CIB4: variants seen among roughly 807,000 people sequenced by gnomAD.
CIB4 encodes calcium and integrin-binding family member 4.
CIB4 carries 25 observed loss-of-function variants against 25.8 expected under a neutral mutation model. That is an observed-to-expected ratio of 0.97 (90% CI 0.71 to 1.35). The LOEUF (loss-of-function observed/expected upper bound fraction) is 1.35, where lower values mean the gene tolerates loss of function less well. Among genes scored for constraint, CIB4 ranks in the 40% most tolerant of loss-of-function variants. The pLI is 0.00. For synonymous variants in CIB4, 75 were observed against 81.4 expected, an observed-to-expected ratio of 0.92 and a Z score of 0.42; for missense variants, 235 against 228.2, an observed-to-expected ratio of 1.03 and a Z score of -0.19.
chr2:26,606,340 AGGACGGACAAAG>A (rs1407301796), intron 3 of CIB4, among the ~76,000 whole-genome samples: 1 of 152,196 alleles, frequency 6.6e-6, no homozygotes, highest in East Asian at 1.9e-4. Context: ...GCTGGGAGGC[AGGACGGACAAAG>A]GGCTCGGAAG....
In CIB4 at chr2:26,627,713, A is replaced by T. The variant is rs970893622; in HGVS notation, c.186+1697T>A. On this transcript the variant is annotated intron_variant, in intron 3 of 6. Coordinates refer to ENST00000288861, the MANE Select transcript of CIB4 (RefSeq NM_001029881.3). This position sits in a 1 kb window ranked among gnomAD's most constrained non-coding sequence, Gnocchi z 4.0. ...ATTCACTCACCTTTCTGAGGTTTCT[A>T]TTTCTTTCCCCTCCAGAATCCCAGC... Among the ~76,000 whole-genome samples the T allele has an allele frequency of 2.6e-5, 4 of 151,710 alleles. No homozygotes were observed. Among genetic ancestry groups the T allele is most frequent in the African/African-American group, 9.7e-5 (4 of 41,254 alleles).
intron 3 of CIB4, among the ~76,000 whole-genome samples, chr2:26,626,301 G>A (rs1669302035): frequency 6.8e-6 from 1 of 147,972 alleles, no homozygotes; most frequent in African/African-American, 2.5e-5. Context: ...TCTAGGTGGG[G>A]CAATGGCTCA....
intron 2 of CIB4, among the ~76,000 whole-genome samples, chr2:26,639,148 G>A (rs1274908163): frequency 2.0e-5 from 3 of 151,782 alleles, no homozygotes; most frequent in Non-Finnish European, 4.4e-5. Context: ...AGGAGAGAAT[G>A]GAGACATTTT....
intron 3 of CIB4, among the ~76,000 whole-genome samples, chr2:26,602,474 A>C (rs1002435802): frequency 6.6e-6 from 1 of 152,246 alleles, no homozygotes; most frequent in South Asian, 2.1e-4. Context: ...TAAGTAAGAT[A>C]AAATAAGTTA....
intron 3 of CIB4, among the ~76,000 whole-genome samples, chr2:26,616,735 C>G (rs1669099649): frequency 6.6e-6 from 1 of 152,238 alleles, no homozygotes; most frequent in African/African-American, 2.4e-5. Flanking sequence ...ATCCTCCTTC[C>G]TCCTCCTACC....
intron 2 of CIB4, among the ~76,000 whole-genome samples, chr2:26,639,993 T>C (rs1669604744): frequency 6.6e-6 from 1 of 152,010 alleles, no homozygotes; most frequent in Non-Finnish European, 1.5e-5. Flanking sequence ...GAATGAAGTT[T>C]CTTCCCCACT....
intron 2 of CIB4, 26 bp downstream of exon 2, chr2:26,640,507 G>A (rs1473478769): frequency 5.0e-6 from 8 of 1,612,020 alleles, no homozygotes; most frequent in East Asian, 2.2e-5. Flanking sequence ...CTGGGAGAAG[G>A]AAAGAGGGGC....
intron 3 of CIB4, chr2:26,623,693 C>G: frequency 2.8e-6 from 1 of 360,758 alleles, no homozygotes; most frequent in Non-Finnish European, 6.0e-6. Flanking sequence ...TATGCGAAGA[C>G]CATCTGCCAG....
intron 3 of CIB4, among the ~76,000 whole-genome samples, chr2:26,602,872 C>G (rs1231660981): frequency 1.3e-5 from 2 of 152,120 alleles, no homozygotes; most frequent in Non-Finnish European, 2.9e-5. Flanking sequence ...TCAGCCTAAG[C>G]AACATAGTGA....
chr2:26,586,359 CT>C (rs1263342304), intron 4 of CIB4, among the ~76,000 whole-genome samples: 1 of 152,234 alleles, frequency 6.6e-6, no homozygotes, highest in Non-Finnish European at 1.5e-5. Flanking sequence ...CAGAGATCCT[CT>C]AGGTCTTTAT....
chr2:26,605,635 G>A (rs1402202062), intron 3 of CIB4: 2 of 457,816 alleles, frequency 4.4e-6, no homozygotes, highest in Admixed American at 4.8e-5. Context: ...CCAGAAGGTG[G>A]CAGTGTTGGG....
chr2:26,590,284 A>AAAAAAAAAAAAAAAAAAAAC (rs1553373370), intron 4 of CIB4, among the ~76,000 whole-genome samples: 1 of 150,086 alleles, frequency 6.7e-6, no homozygotes, highest in Admixed American at 6.7e-5. Context: ...AAAAAAAAAA[A>AAAAAAAAAAAAAAAAAAAAC]CTCACAGGTG....
At chr2:26,623,636 C>T (rs1178756404) in intron 3 of CIB4, 2 of 458,456 alleles carry the variant, frequency 4.4e-6, no homozygotes, top group Non-Finnish European at 9.1e-6. Flanking sequence ...GGTTTCCAAA[C>T]CTCTCTGCTC....
chr2:26,632,757 C>CAAA (rs58312058), intron 2 of CIB4, among the ~76,000 whole-genome samples: 2 of 120,138 alleles, frequency 1.7e-5, no homozygotes, highest in African/African-American at 6.5e-5. Context: ...GACTCCATCT[C>CAAA]AAAAAAAAAA....
At chr2:26,631,333 G>A (rs899530641) in intron 2 of CIB4, among the ~76,000 whole-genome samples, 2 of 152,164 alleles carry the variant, frequency 1.3e-5, no homozygotes, top group Non-Finnish European at 2.9e-5. Context: ...AAATTAGCCA[G>A]GCATACTGGC....
At chr2:26,621,388 C>G (rs1669202802) in intron 3 of CIB4, among the ~76,000 whole-genome samples, 1 of 151,896 alleles carries the variant, frequency 6.6e-6, no homozygotes, top group Admixed American at 6.6e-5. Context: ...TGATATCCAA[C>G]CTACAATTCC....
chr2:26,605,133 A>G (rs1572553309), intron 3 of CIB4, among the ~76,000 whole-genome samples: 1 of 152,270 alleles, frequency 6.6e-6, no homozygotes, highest in South Asian at 2.1e-4. Flanking sequence ...ATTCTTGAAA[A>G]CCCTCAAAGT....
At chr2:26,620,815 C>T (rs1662983) in intron 3 of CIB4, among the ~76,000 whole-genome samples, 58,893 of 151,818 alleles carry the variant, frequency 0.39, 13,909 homozygotes, top group Non-Finnish European at 0.53. Flanking sequence ...GAGAAAAGCA[C>T]CTTAAAGGAA....
At chr2:26,626,958 T>C (rs1669322552) in intron 3 of CIB4, among the ~76,000 whole-genome samples, 1 of 152,102 alleles carries the variant, frequency 6.6e-6, no homozygotes, top group African/African-American at 2.4e-5. Flanking sequence ...GGTGTTCATA[T>C]TGGTTTATAG....
Sources: allele counts gnomAD v4.1 joint callset (sites outside exome capture counted in the v4.1 genomes callset), GRCh38; gene constraint gnomAD v4.1.1; non-coding constraint Gnocchi (gnomAD v3.1); transcripts MANE v1.5; gene names NCBI Gene and HGNC (gene_info 2026-07-23, HGNC 2026-07-21).